The following EFL1 variants were observed in gnomAD, a reference collection of about 807,000 sequenced individuals.
The protein encoded by EFL1 is elongation factor-like GTPase 1.
A neutral mutation model predicts 126.7 loss-of-function variants in EFL1; 76 were observed. That is an observed-to-expected ratio of 0.60 (90% CI 0.50 to 0.73). EFL1 has a LOEUF of 0.73. Among genes scored for constraint, EFL1 ranks in the 30% least tolerant of loss-of-function variants. The pLI, the probability that EFL1 is intolerant of heterozygous loss-of-function variation, is 0.00. For synonymous variants in EFL1, 410 were observed against 448.4 expected, an observed-to-expected ratio of 0.91 and a Z score of 1.08; for missense variants, 1,128 against 1,343.2, an observed-to-expected ratio of 0.84 and a Z score of 2.50.
chr15:82,211,551 C>T (rs1207992141), intron 15 of EFL1, among the ~76,000 whole-genome samples: 1 of 105,118 alleles, frequency 9.5e-6, no homozygotes, highest in South Asian at 2.8e-4. Context: ...AATCTATATA[C>T]ACACACACAC....
intron 5 of EFL1, 140 bp from the exon 6 acceptor site, chr15:82,240,695 G>T: frequency 1.1e-6 from 1 of 937,310 alleles, no homozygotes; most frequent in Non-Finnish European, 1.6e-6. Context: ...TATGTATACA[G>T]CGGAGTAGCA....
chr15:82,259,627 T>C (rs1224255456), intron 2 of EFL1, among the ~76,000 whole-genome samples: 1 of 152,244 alleles, frequency 6.6e-6, no homozygotes, highest in Non-Finnish European at 1.5e-5. Context: ...GAATCTACTT[T>C]AAAGCAAAAG....
At chr15:82,188,068 T>C (rs1285785809) in intron 15 of EFL1, among the ~76,000 whole-genome samples, 1 of 152,158 alleles carries the variant, frequency 6.6e-6, no homozygotes, top group African/African-American at 2.4e-5. Context: ...TATAACTCTT[T>C]GTCCTGTTGA....
chr15:82,184,032 A>C (rs770107353), intron 15 of EFL1, among the ~76,000 whole-genome samples: 1 of 152,200 alleles, frequency 6.6e-6, no homozygotes, highest in Non-Finnish European at 1.5e-5. Flanking sequence ...AGGTGGGTAA[A>C]GATGTGAATC....
chr15:82,200,178 T>C (rs2074452258), intron 15 of EFL1, among the ~76,000 whole-genome samples: 1 of 152,208 alleles, frequency 6.6e-6, no homozygotes, highest in African/African-American at 2.4e-5. Context: ...ACCTGGGTCA[T>C]GCCCTAGAAA....
intron 14 of EFL1, among the ~76,000 whole-genome samples, chr15:82,216,662 G>A (rs1199107779): frequency 6.6e-6 from 1 of 152,122 alleles, no homozygotes; most frequent in African/African-American, 2.4e-5. Context: ...AGGAAAAAAT[G>A]AACCTGGATG....
At chr15:82,150,500 A>C (rs1196318477) in intron 18 of EFL1, among the ~76,000 whole-genome samples, 7 of 152,178 alleles carry the variant, frequency 4.6e-5, no homozygotes, top group Admixed American at 4.6e-4. Flanking sequence ...TGTATTTAAA[A>C]AAATTGTGTT....
intron 15 of EFL1, among the ~76,000 whole-genome samples, chr15:82,166,411 G>A (rs1422428915): frequency 6.6e-6 from 1 of 152,118 alleles, no homozygotes; most frequent in Non-Finnish European, 1.5e-5. Context: ...GCTAAGATTA[G>A]AATTTATGGA....
chr15:82,246,830 G>C (rs1321182113), intron 4 of EFL1, among the ~76,000 whole-genome samples: 1 of 152,076 alleles, frequency 6.6e-6, no homozygotes. Context: ...GGGATGACAG[G>C]TAGGCTGAAA....
At chr15:82,173,625 ATTAAC>A (rs1343919791) in intron 15 of EFL1, among the ~76,000 whole-genome samples, 1 of 152,186 alleles carries the variant, frequency 6.6e-6, no homozygotes, top group Non-Finnish European at 1.5e-5. Context: ...ATATTCTATA[ATTAAC>A]TTGTTTGTAA....
At chr15:82,249,055 A>C (rs1439006927) in intron 4 of EFL1, among the ~76,000 whole-genome samples, 1 of 152,080 alleles carries the variant, frequency 6.6e-6, no homozygotes, top group African/African-American at 2.4e-5. Context: ...AAAAATTGAA[A>C]ATATAAAATA....
chr15:82,217,265 C>G (rs965689576), intron 14 of EFL1, among the ~76,000 whole-genome samples: 3 of 143,524 alleles, frequency 2.1e-5, no homozygotes, highest in African/African-American at 7.7e-5. Context: ...TCTTGTTAAG[C>G]AAGAGATTAC....
intron 16 of EFL1, among the ~76,000 whole-genome samples, chr15:82,158,820 T>C (rs2073993606): frequency 6.6e-6 from 1 of 152,240 alleles, no homozygotes; most frequent in Non-Finnish European, 1.5e-5. Flanking sequence ...GCACTAACAA[T>C]GTGCCAGACA....
chr15:82,148,890 G>A (rs187507239), intron 18 of EFL1, among the ~76,000 whole-genome samples: 118 of 152,210 alleles, frequency 7.8e-4, no homozygotes, highest in African/African-American at 2.7e-3. Context: ...AAACACTATA[G>A]ACATTTGTAC....
intron 15 of EFL1, among the ~76,000 whole-genome samples, chr15:82,201,698 CAAAAAAA>C (rs57664245): frequency 1.8e-4 from 18 of 98,688 alleles, no homozygotes; most frequent in African/African-American, 2.7e-4. Flanking sequence ...TAACTTCTTG[CAAAAAAA>C]AAAAAAAAAA....
Position 82,152,405 on chromosome 15 carries a change from G to C in EFL1, c.2049C>G (p.Ile683Met), listed in dbSNP as rs775389738. ...ATGGAATAATAGGTTCAGATACACT[G>C]ATATGAATCTTTGCAAACCTACAGA... is the stretch of plus-strand genomic sequence containing the variant. ...DLKERFAKIH[I>M]SVSEPIIPFR... The change falls in exon 18 of 20, where the codon ATC (isoleucine) becomes ATG (methionine). Residue 683 changes from isoleucine to methionine, a missense_variant. Physicochemically the swap from Ile to Met is conservative, Grantham distance 10. Around this residue, in one of 6 missense-constraint regions of EFL1, gnomAD observed 561 missense variants for 641.7 expected, o/e 0.87. Coordinates refer to ENST00000268206, the MANE Select transcript of EFL1 (RefSeq NM_024580.6). The C allele has an allele frequency of 2.1e-5, 34 of 1,606,362 alleles. No homozygotes were observed. Among genetic ancestry groups the C allele is most frequent in the Non-Finnish European group, 3.4e-6 (4 of 1,177,906 alleles).
At chr15:82,153,509 A>G (rs2073935509) in intron 17 of EFL1, among the ~76,000 whole-genome samples, 1 of 152,224 alleles carries the variant, frequency 6.6e-6, no homozygotes, top group African/African-American at 2.4e-5. Flanking sequence ...TTTTACATGT[A>G]GTATTTCTTT....
intron 18 of EFL1, 72 bp from the exon 19 acceptor site, chr15:82,138,914 C>A (rs542387968): frequency 1.5e-6 from 2 of 1,378,652 alleles, no homozygotes; most frequent in East Asian, 2.3e-5. Flanking sequence ...CATGATTACC[C>A]ATATACTCTG....
intron 19 of EFL1, among the ~76,000 whole-genome samples, chr15:82,131,448 T>C (rs2141204368): frequency 6.6e-6 from 1 of 152,278 alleles, no homozygotes. Flanking sequence ...CATGCCACCA[T>C]GCCCAGCTAA....
Sources: gnomAD v4.1 joint callset for allele counts (sites outside exome capture counted in the v4.1 genomes callset) on GRCh38, gnomAD v4.1.1 for gene constraint, gnomAD v4.1.1 regional missense constraint, MANE v1.5 for transcripts, NCBI Gene and HGNC (gene_info 2026-07-23, HGNC 2026-07-21) for gene names.